C5AR2: variants seen among roughly 807,000 people sequenced by gnomAD.
C5AR2 encodes C5a anaphylatoxin chemotactic receptor 2.
For missense variants in C5AR2, 458 were observed against 467.5 expected, an observed-to-expected ratio of 0.98 and a Z score of 0.19; for synonymous variants, 224 against 216.5, an observed-to-expected ratio of 1.03 and a Z score of -0.30.
At position 47,341,914 on chromosome 19, in the gene C5AR2, C is replaced by A; in HGVS notation, c.*101C>A. ...AGCTCAATGATGTCTTCATTTTATT[C>A]CTTCCTTCATTCAACAGATATCCAT... On this transcript the variant is annotated 3_prime_UTR_variant, in exon 2 of 2. Transcript: ENST00000595464. The surrounding 1 kb of genome is among the most constrained non-coding windows in gnomAD (Gnocchi z 4.6). 8.9e-7 allele frequency: 1 copy of A among 1,125,906 alleles called. No homozygotes were observed. Among genetic ancestry groups the A allele is most frequent in the Admixed American group, 2.3e-5 (1 of 44,238 alleles). The allele number at this position is 1,125,906 out of a possible 1,614,324, so 69.7% of individuals were successfully genotyped here. A position where few individuals can be genotyped will look rare whatever the true frequency, so the allele number is the denominator to read the frequency against.
chr19:47,336,507 TTCTTTTTC>T (rs1377460023), intron 1 of C5AR2, among the ~76,000 whole-genome samples: 5 of 149,592 alleles, frequency 3.3e-5, no homozygotes, highest in African/African-American at 7.4e-5. Flanking sequence ...CTTTCTTTCT[TTCTTTTTC>T]TTTCTTTCTT....
rs1239080394 is a variant in C5AR2, at chr19:47,341,186, T to C, written c.387T>C (p.Ser129=). The C allele has an allele frequency of 6.2e-7, 1 of 1,600,866 alleles. No individual in the cohort carries two copies. Among genetic ancestry groups the C allele is most frequent in the South Asian group, 1.1e-5 (1 of 91,082 alleles). The change falls in exon 2 of 2, where the codon AGT becomes AGC. Residue 129 remains serine, a synonymous_variant. Transcript: ENST00000595464. This position sits in a 1 kb window ranked among gnomAD's most constrained non-coding sequence, Gnocchi z 4.6. Reference sequence around the variant, plus strand: ...GCGTCCTGCTCCTGGCAGCTCTCAGTGCCGACCTCTGCTTCCTGGCTCTCG... The same window carrying C: ...GCGTCCTGCTCCTGGCAGCTCTCAGCGCCGACCTCTGCTTCCTGGCTCTCG... ...YASVLLLAAL[S]ADLCFLALGP...
intron 1 of C5AR2, among the ~76,000 whole-genome samples, chr19:47,339,781 C>T (rs1001390450): frequency 2.0e-5 from 3 of 152,130 alleles, no homozygotes; most frequent in African/African-American, 7.2e-5. Flanking sequence ...GATCTCGATG[C>T]ATCTCTCCCA....
chr19:47,340,765 C>T lies in C5AR2; in HGVS notation c.-15-20C>T, dbSNP rs181056103. 238 of 1,611,494 alleles carry T rather than the reference C, an allele frequency of 1.5e-4. No homozygotes were observed. The highest frequency in any genetic ancestry group is 2.2e-4 in the East Asian group (10 of 44,878). ...GGAGTTTCCTCCTCTGAGTTTTCAT[C>T]GTCTTTCTCTCCTGCCCAGACACCA... On this transcript the variant is annotated intron_variant, in intron 1 of 1. Transcript: ENST00000595464.
intron 1 of C5AR2, among the ~76,000 whole-genome samples, chr19:47,338,690 T>TAATAATAATA (rs1385945632): frequency 0.07 from 3,525 of 50,224 alleles, 90 homozygotes; most frequent in Middle Eastern, 0.19. Context: ...TAATAATAAT[T>TAATAATAATA]AATCAGGCAT....
chr19:47,336,663 T>G (rs562587467), intron 1 of C5AR2, among the ~76,000 whole-genome samples: 1 of 151,966 alleles, frequency 6.6e-6, no homozygotes, highest in African/African-American at 2.4e-5. Flanking sequence ...CGAACCACTA[T>G]GCCTGGCTAA....
In C5AR2 at chr19:47,341,605, C is replaced by A; in HGVS notation, c.806C>A (p.Ala269Asp). The change falls in exon 2 of 2, where the codon GCC (alanine) becomes GAC (aspartate). Residue 269 changes from alanine (A) to aspartate (D), a missense_variant. Coordinates refer to ENST00000595464, the MANE Select transcript of C5AR2 (RefSeq NM_001271749.2). The surrounding 1 kb of genome is among the most constrained non-coding windows in gnomAD (Gnocchi z 4.6). ...AAPNSALLAR[A>D]LRAEPLIVGL... ...CCGAACTCCGCACTCCTGGCCAGGG[C>A]CCTGCGGGCTGAACCCCTCATCGTG... The A allele has an allele frequency of 6.2e-7, 1 of 1,613,930 alleles. No individual in the cohort carries two copies. Among genetic ancestry groups the A allele is most frequent in the Non-Finnish European group, 8.5e-7 (1 of 1,179,960 alleles).
At chr19:47,336,141 G>A (rs2059356728) in intron 1 of C5AR2, among the ~76,000 whole-genome samples, 1 of 152,048 alleles carries the variant, frequency 6.6e-6, no homozygotes, top group Admixed American at 6.6e-5. Context: ...CCAGGCTGGA[G>A]TGCAGTGGCA....
intron 1 of C5AR2, among the ~76,000 whole-genome samples, chr19:47,337,902 C>T (rs189490751): frequency 3.0e-4 from 45 of 151,738 alleles, no homozygotes; most frequent in African/African-American, 9.7e-4. Context: ...GAAACCCCGT[C>T]TCTACTAAAA....
At chr19:47,340,346 ATT>A (rs1234196666) in intron 1 of C5AR2, among the ~76,000 whole-genome samples, 17 of 133,766 alleles carry the variant, frequency 1.3e-4, no homozygotes, top group East Asian at 2.2e-4. Context: ...TAGAATTCCA[ATT>A]TTTTTTTTTT....
chr19:47,336,571 G>A lies in C5AR2; in HGVS notation c.-15-4214G>A, dbSNP rs990677027. On this transcript the variant is annotated intron_variant, in intron 1 of 1. Coordinates refer to ENST00000595464, the MANE Select transcript of C5AR2 (RefSeq NM_001271749.2). Reference sequence around the variant, plus strand: ...TGCTCAGGCTGGAGTGCAGTGGCGCGATCATGGCTAACTGCAGCCTCAAAC... The same window carrying A: ...TGCTCAGGCTGGAGTGCAGTGGCGCAATCATGGCTAACTGCAGCCTCAAAC... 3.3e-5 allele frequency among the ~76,000 whole-genome samples: 5 copies of A among 151,494 alleles called. No homozygotes were observed. In the South Asian group the frequency reaches 8.3e-4, roughly 25 times the overall value.
chr19:47,332,314 CG>C lies in C5AR2; in HGVS notation c.-50del, dbSNP rs1465941902. Reference sequence around the variant, plus strand: ...GGGCCCGGATTGGGCTCCCAAGTGGCGTTTGACTCACGTGGGGACACTCTTG... The same window carrying C: ...GGGCCCGGATTGGGCTCCCAAGTGGCTTTGACTCACGTGGGGACACTCTTG... On this transcript the variant is annotated 5_prime_UTR_variant, in exon 1 of 2. Coordinates refer to ENST00000595464, the MANE Select transcript of C5AR2 (RefSeq NM_001271749.2). 2 of 152,062 alleles carry C rather than the reference CG, an allele frequency of 1.3e-5. No homozygotes were observed. 9.4% of individuals were successfully genotyped at this position (152,062 alleles called of 1,614,324 possible). A position where few individuals can be genotyped will look rare whatever the true frequency, so the allele number is the denominator to read the frequency against.
In C5AR2 at chr19:47,347,112, A is replaced by G. The variant is rs1374280817; in HGVS notation, c.*5299A>G. ...CTATAACTTCCCTTTTTTGTTCTAA[A>G]GTTTGTCTATTTCTGCTATTTGTTT... is the stretch of plus-strand genomic sequence containing the variant. On this transcript the variant is annotated 3_prime_UTR_variant, in exon 2 of 2. Transcript: ENST00000595464. 1.3e-5 allele frequency: 2 copies of G among 152,036 alleles called. No individual in the cohort carries two copies. The highest frequency in any genetic ancestry group is 3.8e-4 in the East Asian group (2 of 5,198). The allele number at this position is 152,036 out of a possible 1,614,324, so 9.4% of individuals were successfully genotyped here.
chr19:47,335,845 A>G (rs933921942), intron 1 of C5AR2, among the ~76,000 whole-genome samples: 44 of 138,380 alleles, frequency 3.2e-4, no homozygotes, highest in Non-Finnish European at 5.5e-4. Context: ...AGGGCCAGGA[A>G]GGGTGGAGTC....
At position 47,343,951 on chromosome 19, in the gene C5AR2, C is replaced by T. The variant is rs1969082565; in HGVS notation, c.*2138C>T. 6.6e-6 allele frequency: 1 copy of T among 152,146 alleles called. No homozygotes were observed. Among genetic ancestry groups the T allele is most frequent in the African/African-American group, 2.4e-5 (1 of 41,430 alleles). The allele number at this position is 152,146 out of a possible 1,614,324, so 9.4% of individuals were successfully genotyped here. On this transcript the variant is annotated 3_prime_UTR_variant, in exon 2 of 2. Transcript: ENST00000595464. ...TATGGCTGGTGACTGCCATATTCGA[C>T]AGCACAGCTATAGAACATTGCCATC...
chr19:47,333,280 C>G (rs532867559), intron 1 of C5AR2, among the ~76,000 whole-genome samples: 3 of 152,176 alleles, frequency 2.0e-5, no homozygotes, highest in Non-Finnish European at 2.9e-5. Flanking sequence ...GCTGGGATTA[C>G]AGGCGTGAAT....
intron 1 of C5AR2, chr19:47,337,251 G>T (rs1485788334): frequency 6.6e-6 from 1 of 152,314 alleles, no homozygotes; most frequent in African/African-American, 2.4e-5. Flanking sequence ...AGTCATGGAG[G>T]CCGGGGCTGC....
At chr19:47,334,908 G>A (rs1599738230) in intron 1 of C5AR2, among the ~76,000 whole-genome samples, 2 of 149,742 alleles carry the variant, frequency 1.3e-5, no homozygotes, top group East Asian at 1.9e-4. Flanking sequence ...TTTTTGAGAT[G>A]GAGTCTCACT....
chr19:47,340,876 G>C lies in C5AR2; in HGVS notation c.77G>C (p.Gly26Ala). The C allele has an allele frequency of 6.2e-7, 1 of 1,613,534 alleles. No individual in the cohort carries two copies. Among genetic ancestry groups the C allele is most frequent in the Non-Finnish European group, 8.5e-7 (1 of 1,180,000 alleles). Reference sequence around the variant, plus strand: ...GACCGCCCTGTGGACTGCCTGGATGGCGCCTGCCTGGCCATCGACCCGCTG... The same window carrying C: ...GACCGCCCTGTGGACTGCCTGGATGCCGCCTGCCTGGCCATCGACCCGCTG... ...LSDRPVDCLD[G>A]ACLAIDPLRV... Residue 26 changes from glycine (G) to alanine (A), a missense_variant, in exon 2 of 2, where the codon GGC (glycine) becomes GCC (alanine). Transcript: ENST00000595464.
Sources: gnomAD v4.1 joint callset for allele counts (sites outside exome capture counted in the v4.1 genomes callset) on GRCh38, gnomAD v4.1.1 for gene constraint, Gnocchi (gnomAD v3.1) non-coding constraint, MANE v1.5 for transcripts, NCBI Gene and HGNC (gene_info 2026-07-23, HGNC 2026-07-21) for gene names.